The following SHTN1 variants were observed in gnomAD, a reference collection of about 807,000 sequenced individuals.
The protein encoded by SHTN1 is shootin 1.
SHTN1 carries 42 observed loss-of-function variants against 83.1 expected under a neutral mutation model. The observed-to-expected ratio is 0.51, with a 90% confidence interval of 0.39 to 0.65. The LOEUF (loss-of-function observed/expected upper bound fraction) is 0.65. SHTN1 is among the 30% of genes least tolerant of loss of function. The pLI is 0.00. For missense variants in SHTN1, 622 were observed against 737.8 expected (o/e 0.84, Z 1.82); for synonymous variants, 224 against 247.7 (o/e 0.90, Z 0.90).
chr10:116,962,717 C>T (rs1034656928), intron 3 of SHTN1, among the ~76,000 whole-genome samples: 3 of 152,108 alleles, frequency 2.0e-5, no homozygotes, highest in Non-Finnish European at 4.4e-5. Flanking sequence ...GCTGGGTAGT[C>T]CTTGCTCACA....
intron 2 of SHTN1, among the ~76,000 whole-genome samples, chr10:117,021,397 TC>T (rs1852261781): frequency 6.6e-6 from 1 of 152,108 alleles, no homozygotes; most frequent in African/African-American, 2.4e-5. Flanking sequence ...AAGTGAGACT[TC>T]ATCTCGAAAT....
intron 2 of SHTN1, chr10:117,023,584 G>C (rs1852291461): frequency 6.6e-6 from 1 of 152,620 alleles, no homozygotes; most frequent in Non-Finnish European, 1.5e-5. Context: ...GAACAAGGCA[G>C]AATACACTTG....
chr10:117,051,196 T>C (rs1852735782), intron 1 of SHTN1, among the ~76,000 whole-genome samples: 1 of 152,114 alleles, frequency 6.6e-6, no homozygotes, highest in South Asian at 2.1e-4. Flanking sequence ...CTACCACAAC[T>C]GACTCAAGAA....
chr10:117,007,718 G>A (rs1426834052), upstream of SHTN1, among the ~76,000 whole-genome samples: 3 of 151,940 alleles, frequency 2.0e-5, no homozygotes, highest in Non-Finnish European at 2.9e-5. Flanking sequence ...GGAAAGGATA[G>A]AAGTGATAAA....
chr10:116,960,303 C>G, intron 3 of SHTN1, 73 bp from the exon 4 acceptor site: 1 of 835,746 alleles, frequency 1.2e-6, no homozygotes, highest in Non-Finnish European at 2.0e-6. Context: ...ACGCATCGTC[C>G]CATGATTAAG....
chr10:116,918,458 T>C (rs1848446984), intron 12 of SHTN1, among the ~76,000 whole-genome samples: 2 of 152,150 alleles, frequency 1.3e-5, no homozygotes, highest in African/African-American at 4.8e-5. Flanking sequence ...AACTTTCTTT[T>C]AAAGGTAATT....
intron 1 of SHTN1, among the ~76,000 whole-genome samples, chr10:117,086,198 G>A (rs185817451): frequency 1.2e-4 from 18 of 152,244 alleles, no homozygotes; most frequent in East Asian, 9.7e-4. Context: ...GATTACAGGC[G>A]TGAGCCACCG....
chr10:117,053,024 A>AAAAAAAAAAAAAAAGAAAAAAAAAAAAAG, intron 1 of SHTN1, among the ~76,000 whole-genome samples: 1 of 51,282 alleles, frequency 1.9e-5, no homozygotes, highest in Non-Finnish European at 5.7e-5. Flanking sequence ...TGTCTCAAAA[A>AAAAAAAAAAAAAAAGAAAAAAAAAAAAAG]AAAAAAGAAT....
At chr10:117,005,985 C>T (rs1448249207), upstream of SHTN1, among the ~76,000 whole-genome samples, 1 of 152,172 alleles carries the variant, frequency 6.6e-6, no homozygotes, top group African/African-American at 2.4e-5. Flanking sequence ...CAGTTCACTG[C>T]CCTCTGAACT....
chr10:117,090,829 G>C (rs912887286), intron 1 of SHTN1, among the ~76,000 whole-genome samples: 1 of 150,252 alleles, frequency 6.7e-6, no homozygotes, highest in Non-Finnish European at 1.5e-5. Context: ...AAAGGAGGGA[G>C]GGAGGGAGGG....
intron 12 of SHTN1, among the ~76,000 whole-genome samples, chr10:116,920,280 G>GC (rs1255292880): frequency 3.3e-5 from 5 of 152,144 alleles, no homozygotes; most frequent in Admixed American, 3.3e-4. Flanking sequence ...CCAAGATCTG[G>GC]CCTCCTTGTT....
intron 2 of SHTN1, chr10:117,048,360 G>T: frequency 2.5e-6 from 1 of 397,270 alleles, no homozygotes; most frequent in Non-Finnish European, 3.4e-6. Context: ...ATATAACTAT[G>T]ATTAAATATA....
chr10:116,985,272 C>G (rs1392790267), intron 1 of SHTN1, among the ~76,000 whole-genome samples: 1 of 152,128 alleles, frequency 6.6e-6, no homozygotes, highest in African/African-American at 2.4e-5. Context: ...GCAAAACAAT[C>G]CAAATATTAA....
chr10:117,117,770 T>C lies in SHTN1; in HGVS notation c.-189+8537A>G, dbSNP rs182965331. Among the ~76,000 whole-genome samples the C allele has an allele frequency of 6.3e-4, 96 of 152,244 alleles. 1 individual carries two copies. The highest frequency in any genetic ancestry group is 2.4e-3 in the Admixed American group (36 of 15,276). ...ACAACCAACTCATCTTTGACAAAGG[T>C]GCCAAGAACATACACTGAAGAAAGG... On this transcript the variant is annotated intron_variant, in intron 1 of 17. Coordinates refer to the SHTN1 transcript ENST00000392901.
chr10:117,086,778 G>C (rs940739180), intron 1 of SHTN1, among the ~76,000 whole-genome samples: 1 of 152,098 alleles, frequency 6.6e-6, no homozygotes, highest in Non-Finnish European at 1.5e-5. Flanking sequence ...TTGAAAACAG[G>C]GACTCAAACA....
At position 116,886,312 on chromosome 10, in the gene SHTN1, C is replaced by T; in HGVS notation, c.*32G>A. 1 of 1,551,742 alleles carries T rather than the reference C, an allele frequency of 6.4e-7. No individual in the cohort carries two copies. The highest frequency in any genetic ancestry group is 8.7e-7 in the Non-Finnish European group (1 of 1,146,956). On this transcript the variant is annotated 3_prime_UTR_variant, in exon 17 of 17. Coordinates refer to ENST00000355371, the MANE Select transcript of SHTN1 (RefSeq NM_001127211.3). ...CTAATCATGTGCTTATTGAAAAGGA[C>T]TTCCAAACATGTCAGGCTTCTGGTT...
chr10:117,039,850 CAAAA>C (rs71013633), intron 2 of SHTN1, among the ~76,000 whole-genome samples: 9 of 129,692 alleles, frequency 6.9e-5, no homozygotes, highest in Admixed American at 2.3e-4. Flanking sequence ...GAGACTCCAT[CAAAA>C]AAAAAAAAAA....
Position 116,884,179 on chromosome 10 carries a change from C to T in SHTN1, c.*2165G>A, listed in dbSNP as rs573466877. 18 of 456,010 alleles carry T rather than the reference C, an allele frequency of 3.9e-5. No individual in the cohort carries two copies. The highest frequency in any genetic ancestry group is 2.6e-4 in the South Asian group (17 of 64,464). The allele number at this position is 456,010 out of a possible 1,614,324, so 28.2% of individuals were successfully genotyped here. ...AGGACGTATGTAAGTTTTGTGTGTG[C>T]AATAGCTATGAACATACCTTGCAGA... On this transcript the variant is annotated 3_prime_UTR_variant, in exon 17 of 17. Coordinates refer to ENST00000355371, the MANE Select transcript of SHTN1 (RefSeq NM_001127211.3).
At chr10:116,892,931 A>G (rs1416067089) in intron 16 of SHTN1, among the ~76,000 whole-genome samples, 2 of 152,242 alleles carry the variant, frequency 1.3e-5, no homozygotes, top group Admixed American at 6.5e-5. Context: ...TTGGTTCTCT[A>G]TGCAGAAATG....
Sources: gnomAD v4.1 joint callset for allele counts (sites outside exome capture counted in the v4.1 genomes callset) on GRCh38, gnomAD v4.1.1 for gene constraint, MANE v1.5 for transcripts, NCBI Gene and HGNC (gene_info 2026-07-23, HGNC 2026-07-21) for gene names.